PCDH15: variants seen among roughly 807,000 people sequenced by gnomAD.
PCDH15 encodes protocadherin related 15, also known as protocadherin-15.
PCDH15 carries 129 observed loss-of-function variants against 178.5 expected under a neutral mutation model. The observed-to-expected ratio is 0.72, with a 90% confidence interval of 0.63 to 0.84. The LOEUF (loss-of-function observed/expected upper bound fraction) is 0.84, where lower values mean the gene tolerates loss of function less well. Ranked by LOEUF, PCDH15 falls within the 40% of genes least tolerant of loss-of-function variation. The pLI, the probability that PCDH15 is intolerant of heterozygous loss-of-function variation, is 0.00. For synonymous variants in PCDH15, 800 were observed against 732.0 expected, an observed-to-expected ratio of 1.09 and a Z score of -1.50; for missense variants, 2,230 against 2,099.9, an observed-to-expected ratio of 1.06 and a Z score of -1.21.
At chr10:55,276,111 C>A (rs117857264) in intron 1 of PCDH15, among the ~76,000 whole-genome samples, 2 of 150,408 alleles carry the variant, frequency 1.3e-5, no homozygotes, top group Non-Finnish European at 3.0e-5. Flanking sequence ...TAAAAAAATT[C>A]GTATTAATTC....
intron 2 of PCDH15, among the ~76,000 whole-genome samples, chr10:55,482,932 C>G (rs1472981263): frequency 6.6e-6 from 1 of 151,714 alleles, no homozygotes; most frequent in Non-Finnish European, 1.5e-5. Context: ...TGGTTCCATT[C>G]TTCCCATCTC....
At chr10:55,235,579 A>G (rs1841356314) in intron 1 of PCDH15, among the ~76,000 whole-genome samples, 1 of 152,022 alleles carries the variant, frequency 6.6e-6, no homozygotes, top group Non-Finnish European at 1.5e-5. Flanking sequence ...ACATTGCCCA[A>G]ACTTCACATT....
chr10:54,618,307 T>G (rs1051527229), intron 2 of PCDH15, among the ~76,000 whole-genome samples: 2 of 152,118 alleles, frequency 1.3e-5, no homozygotes, highest in Non-Finnish European at 2.9e-5. Flanking sequence ...AAATGCCCTA[T>G]TAGGTTTAGT....
chr10:55,380,655 C>A (rs1837511053), intron 2 of PCDH15, among the ~76,000 whole-genome samples: 2 of 152,112 alleles, frequency 1.3e-5, no homozygotes, highest in African/African-American at 2.4e-5. Context: ...CGGTATTCAC[C>A]TCAATCCACC....
At chr10:54,718,373 C>A (rs2095506584) in intron 1 of PCDH15, among the ~76,000 whole-genome samples, 1 of 152,058 alleles carries the variant, frequency 6.6e-6, no homozygotes, top group Admixed American at 6.6e-5. Flanking sequence ...CAATAGGAAG[C>A]ATTGAGCCTG....
chr10:55,187,450 T>C (rs796363106), intron 1 of PCDH15, among the ~76,000 whole-genome samples: 6 of 152,000 alleles, frequency 3.9e-5, no homozygotes, highest in African/African-American at 1.4e-4. Context: ...TATGTGGTGA[T>C]AGAATGTTAG....
At chr10:55,264,926 A>G (rs1322671815) in intron 1 of PCDH15, among the ~76,000 whole-genome samples, 2 of 152,166 alleles carry the variant, frequency 1.3e-5, no homozygotes, top group African/African-American at 2.4e-5. Context: ...ACCTTTGCCA[A>G]CAGTGTAAGA....
intron 5 of PCDH15, among the ~76,000 whole-genome samples, chr10:54,356,441 TATTTTCAACTTA>T (rs1589003882): frequency 6.6e-6 from 1 of 152,080 alleles, no homozygotes. Flanking sequence ...AGAAGTTTCA[TATTTTCAACTTA>T]ATTTTCATTA....
At chr10:55,470,916 T>C (rs1361321057) in intron 2 of PCDH15, among the ~76,000 whole-genome samples, 1 of 152,158 alleles carries the variant, frequency 6.6e-6, no homozygotes, top group Non-Finnish European at 1.5e-5. Context: ...TCTTAGAATA[T>C]GTAGCTTTCC....
chr10:54,927,396 A>G (rs1303777927), intron 2 of PCDH15, among the ~76,000 whole-genome samples: 1 of 152,084 alleles, frequency 6.6e-6, no homozygotes, highest in Non-Finnish European at 1.5e-5. Flanking sequence ...TTTAATAAGA[A>G]AAATGTATAT....
chr10:54,082,827 A>G (rs2094455704), intron 16 of PCDH15, among the ~76,000 whole-genome samples: 1 of 152,102 alleles, frequency 6.6e-6, no homozygotes, highest in African/African-American at 2.4e-5. Flanking sequence ...AACGCATATA[A>G]CTGGAGAAAA....
chr10:55,185,676 G>T (rs1171756184), intron 1 of PCDH15, among the ~76,000 whole-genome samples: 1 of 151,534 alleles, frequency 6.6e-6, no homozygotes, highest in Admixed American at 6.6e-5. Flanking sequence ...TTTTTATTTG[G>T]ATACAGTGTT....
At chr10:55,195,122 C>T (rs1840051148) in intron 1 of PCDH15, among the ~76,000 whole-genome samples, 1 of 150,804 alleles carries the variant, frequency 6.6e-6, no homozygotes, top group Non-Finnish European at 1.5e-5. Flanking sequence ...CTCCCGAGTT[C>T]GAGCTATTCA....
chr10:54,999,643 G>C (rs1420009338), intron 2 of PCDH15, among the ~76,000 whole-genome samples: 2 of 152,106 alleles, frequency 1.3e-5, no homozygotes, highest in Admixed American at 6.6e-5. Context: ...GAACAGGTGA[G>C]AGCTCTGCCC....
intron 3 of PCDH15, among the ~76,000 whole-genome samples, chr10:54,519,446 T>C (rs567689810): frequency 6.6e-6 from 1 of 152,068 alleles, no homozygotes; most frequent in African/African-American, 2.4e-5. Context: ...AAATCATGAG[T>C]GAACTCCCAT....
At chr10:54,516,801 A>T (rs1473064614) in intron 3 of PCDH15, among the ~76,000 whole-genome samples, 2 of 152,222 alleles carry the variant, frequency 1.3e-5, no homozygotes, top group African/African-American at 4.8e-5. Context: ...TGTTAAGGGC[A>T]GCCAGAGAGA....
chr10:55,520,106 ACG>A (rs1841125801), intron 2 of PCDH15, among the ~76,000 whole-genome samples: 1 of 132,788 alleles, frequency 7.5e-6, no homozygotes, highest in African/African-American at 2.7e-5. Flanking sequence ...ATATATATAC[ACG>A]CAATGTGTAT....
chr10:53,927,168 G>GTA (rs1214926548), intron 25 of PCDH15, among the ~76,000 whole-genome samples: 1 of 151,908 alleles, frequency 6.6e-6, no homozygotes, highest in Non-Finnish European at 1.5e-5. Context: ...GTGTGTGTGT[G>GTA]TGTGAATGTT....
chr10:54,160,085 A>C (rs529087842), intron 13 of PCDH15, among the ~76,000 whole-genome samples: 1 of 152,284 alleles, frequency 6.6e-6, no homozygotes. Context: ...TAAGGGTACC[A>C]CCACAGGTAA....
Sources: gnomAD v4.1 joint callset for allele counts (sites outside exome capture counted in the v4.1 genomes callset) on GRCh38, gnomAD v4.1.1 for gene constraint, MANE v1.5 for transcripts, NCBI Gene and HGNC (gene_info 2026-07-23, HGNC 2026-07-21) for gene names.